NEDD1: variants seen among roughly 807,000 people sequenced by gnomAD.
NEDD1 encodes the protein NEDD1 gamma-tubulin ring complex targeting factor.
Under a neutral mutation model 74.0 loss-of-function variants are expected in NEDD1, and 33 were observed. The observed-to-expected ratio is 0.45, with a 90% CI of 0.34 to 0.60. The LOEUF is 0.60. Ranked by LOEUF, NEDD1 falls within the 20% of genes least tolerant of loss-of-function variation. The pLI is 0.01. For missense variants in NEDD1, 746 were observed against 776.5 expected (o/e 0.96, Z 0.47); for synonymous variants, 250 against 264.4 (o/e 0.95, Z 0.53).
chr12:96,935,290 CTGAT>C (rs1876978679), intron 7 of NEDD1, 85 bp downstream of exon 7: 1 of 796,000 alleles, frequency 1.3e-6, no homozygotes. Context: ...ATATAGACCT[CTGAT>C]TAGTGTCCAG....
Position 96,943,645 on chromosome 12 carries a change from T to C in NEDD1, c.1380T>C (p.Ser460=), listed in dbSNP as rs80238813. ...VTSSTSVLHS[S]PLNVFMGSPG... ...CAAGTACTTCAGTATTGCATTCTAG[T>C]CCTCTTAATGTTTTTATGGGATCTC... Residue 460 remains serine, a synonymous_variant, in exon 12 of 16, where the codon AGT becomes AGC. Coordinates refer to ENST00000266742, the MANE Select transcript of NEDD1 (RefSeq NM_152905.4). The C allele has an allele frequency of 1.2e-6, 2 of 1,611,474 alleles. No individual in the cohort carries two copies. Among genetic ancestry groups the C allele is most frequent in the African/African-American group, 2.7e-5 (2 of 74,976 alleles).
At chr12:96,943,125 A>G (rs191144112) in intron 11 of NEDD1, among the ~76,000 whole-genome samples, 76 of 152,210 alleles carry the variant, frequency 5.0e-4, no homozygotes, top group African/African-American at 1.7e-3. Context: ...CCACGTTCAA[A>G]GGGAGGAGAT....
Position 96,935,196 on chromosome 12 carries a change from C to G in NEDD1, c.710C>G (p.Ser237Ter), listed in dbSNP as rs1331892596. ...AAAAGAATCATCCTCTATGACACTT[C>G]AAGTAAGAAGTAAGTGTGACATGCT... is the stretch of plus-strand genomic sequence containing the variant. ...LDKRIILYDT[S>*]SKKLVKTLVA... Residue 237 changes from serine (S) to a stop codon, truncating the protein, a stop_gained, in exon 7 of 16, where the codon TCA becomes TGA. Transcript: ENST00000266742. LOFTEE classifies it high-confidence loss of function. 1 of 1,550,250 alleles carries G rather than the reference C, an allele frequency of 6.5e-7. No homozygotes were observed. Among genetic ancestry groups the G allele is most frequent in the Non-Finnish European group, 8.9e-7 (1 of 1,121,768 alleles).
intron 6 of NEDD1, among the ~76,000 whole-genome samples, chr12:96,930,205 ACACACACTCTCTCTCTCT>A (rs1300703901): frequency 6.5e-5 from 5 of 76,468 alleles, no homozygotes; most frequent in African/African-American, 2.6e-4. Flanking sequence ...ACACACACAC[ACACACACTCTCTCTCTCT>A]CTCTCTCTCT....
At chr12:96,926,532 A>G (rs1420257526) in intron 6 of NEDD1, among the ~76,000 whole-genome samples, 1 of 151,790 alleles carries the variant, frequency 6.6e-6, no homozygotes, top group African/African-American at 2.4e-5. Flanking sequence ...TATGGGCAGC[A>G]TAATTTAAAC....
rs754830263 is a variant in NEDD1 at position 96,942,594 on chromosome 12, G to A, written c.1264G>A (p.Gly422Arg). 3 of 1,520,110 alleles carry A rather than the reference G, an allele frequency of 2.0e-6. No homozygotes were observed. Among genetic ancestry groups the A allele is most frequent in the Non-Finnish European group, 2.7e-6 (3 of 1,096,848 alleles). The allele number at this position is 1,520,110 out of a possible 1,614,324, so 94.2% of individuals were successfully genotyped here. ...TGTTATAGATGCTGTAGTTAACAAG[G>A]GAAGTGATGAGTCCATAGGCAAAGG... Reference protein sequence around the residue: ...PIRDDAVVNKGSDESIGKGDG... With the variant: ...PIRDDAVVNKRSDESIGKGDG... The change falls in exon 11 of 16, where the codon GGA (glycine) becomes AGA (arginine). Residue 422 changes from glycine (G) to arginine (R), a missense_variant. By Grantham distance (125) the Gly-to-Arg change is moderately radical (BLOSUM62 -2). Transcript: ENST00000266742.
intron 6 of NEDD1, among the ~76,000 whole-genome samples, chr12:96,927,008 G>GTGTA (rs1491057862): frequency 7.8e-6 from 1 of 128,032 alleles, no homozygotes; most frequent in African/African-American, 2.9e-5. Flanking sequence ...GTGTGTGTGT[G>GTGTA]TATAATATAT....
At chr12:96,944,986 C>T (rs566647059) in intron 13 of NEDD1, among the ~76,000 whole-genome samples, 191 bp downstream of exon 13, 13 of 151,926 alleles carry the variant, frequency 8.6e-5, no homozygotes, top group African/African-American at 2.7e-4. Flanking sequence ...AATTCAGGTA[C>T]GTTGATTTGA....
intron 2 of NEDD1, 95 bp downstream of exon 2, chr12:96,907,951 G>T: frequency 8.8e-7 from 1 of 1,142,446 alleles, no homozygotes; most frequent in Non-Finnish European, 1.1e-6. Context: ...AGTTGGAGCA[G>T]GTCGTTTGAA....
intron 6 of NEDD1, among the ~76,000 whole-genome samples, chr12:96,928,830 G>A (rs761116934): frequency 1.3e-5 from 2 of 151,680 alleles, no homozygotes; most frequent in Non-Finnish European, 2.9e-5. Context: ...GCGACTACAG[G>A]CGCCTGCTAC....
chr12:96,948,895 A>T (rs958385861), intron 14 of NEDD1, among the ~76,000 whole-genome samples: 2 of 152,042 alleles, frequency 1.3e-5, no homozygotes, highest in Non-Finnish European at 2.9e-5. Context: ...TCTGCTCTTT[A>T]GTTACTTGTT....
intron 6 of NEDD1, among the ~76,000 whole-genome samples, chr12:96,930,211 A>ACACACACTCT (rs1416917962): frequency 3.4e-5 from 3 of 89,284 alleles, no homozygotes; most frequent in African/African-American, 5.2e-5. Context: ...ACACACACAC[A>ACACACACTCT]CTCTCTCTCT....
chr12:96,914,581 G>A (rs1014771370), intron 4 of NEDD1, among the ~76,000 whole-genome samples: 8 of 152,120 alleles, frequency 5.3e-5, no homozygotes, highest in Non-Finnish European at 7.4e-5. Flanking sequence ...ACATATTAAT[G>A]TGCTAATAAC....
At chr12:96,950,634 A>G (rs1218164489) in intron 14 of NEDD1, among the ~76,000 whole-genome samples, 1 of 152,002 alleles carries the variant, frequency 6.6e-6, no homozygotes, top group African/African-American at 2.4e-5. Context: ...ATGCACAATG[A>G]AAACATTGAC....
intron 6 of NEDD1, among the ~76,000 whole-genome samples, chr12:96,930,411 AGGAAAC>A (rs1876327112): frequency 6.6e-6 from 1 of 152,194 alleles, no homozygotes; most frequent in Non-Finnish European, 1.5e-5. Flanking sequence ...TGAAGGCCAT[AGGAAAC>A]CAGATGTTAA....
chr12:96,933,041 A>C (rs138373842), intron 6 of NEDD1, among the ~76,000 whole-genome samples: 46 of 151,682 alleles, frequency 3.0e-4, no homozygotes, highest in Non-Finnish European at 4.9e-4. Context: ...GTAGGTCCCA[A>C]GAACTTGAAG....
At chr12:96,914,870 C>G (rs1177357019) in intron 4 of NEDD1, among the ~76,000 whole-genome samples, 1 of 152,122 alleles carries the variant, frequency 6.6e-6, no homozygotes, top group Non-Finnish European at 1.5e-5. Flanking sequence ...TAAAAAAGAC[C>G]TATCAACAGG....
intron 12 of NEDD1, 52 bp from the exon 13 acceptor site, chr12:96,944,587 A>G: frequency 8.6e-7 from 1 of 1,158,674 alleles, no homozygotes; most frequent in Non-Finnish European, 1.2e-6. Flanking sequence ...TATATGGGTA[A>G]TATGAGTAAA....
Position 96,940,409 on chromosome 12 carries a change from G to A in NEDD1, c.1118G>A (p.Gly373Asp), listed in dbSNP as rs746684519. The A allele has an allele frequency of 1.9e-6, 3 of 1,573,616 alleles. No homozygotes were observed. The Admixed American group carries it at 5.2e-5, about 27-fold the overall frequency. ...KGTVAVQEKA[G>D]LPRSINTDTL... The stretch of plus-strand genomic sequence containing the variant: ...GATTTTTATATCTAATTCCTATAAG[G>A]TTTGCCTCGAAGCATAAACACAGAC... Residue 373 changes from glycine (G) to aspartate (D), a missense_variant and splice_region_variant, in exon 10 of 16, where the codon GGT becomes GAT. Physicochemically the swap from Gly to Asp is moderately conservative, Grantham distance 94. This residue lies in a region of NEDD1 where 706 missense variants were observed against 706.7 expected (regional missense o/e 1.00). Transcript: ENST00000266742.
Sources: allele counts gnomAD v4.1 joint callset (sites outside exome capture counted in the v4.1 genomes callset), GRCh38; gene constraint gnomAD v4.1.1; regional missense constraint gnomAD v4.1.1; transcripts MANE v1.5; gene names NCBI Gene and HGNC (gene_info 2026-07-23, HGNC 2026-07-21).